CERS4: variants seen among roughly 807,000 people sequenced by gnomAD.
The protein encoded by CERS4 is ceramide synthase 4.
CERS4 carries 65 observed loss-of-function variants against 51.8 expected under a neutral mutation model. The ratio of observed to expected loss-of-function variants is 1.26; its 90% CI spans 1.03 to 1.54. CERS4 has a LOEUF of 1.54. Ranked by LOEUF, CERS4 falls within the 40% of genes most tolerant of loss-of-function variation. The pLI is 0.00. For synonymous variants in CERS4, 228 were observed against 208.4 expected, an observed-to-expected ratio of 1.09 and a Z score of -0.81; for missense variants, 563 against 500.4, an observed-to-expected ratio of 1.13 and a Z score of -1.19.
intron 8 of CERS4, 37 bp downstream of exon 8, chr19:8,256,747 G>C (rs1328007507): frequency 6.3e-7 from 1 of 1,599,266 alleles, no homozygotes; most frequent in African/African-American, 1.3e-5. Context: ...CCCAGTCTCT[G>C]GCCGGGATGC....
At chr19:8,226,400 T>C (rs890822771) in intron 2 of CERS4, among the ~76,000 whole-genome samples, 2 of 152,112 alleles carry the variant, frequency 1.3e-5, no homozygotes, top group Non-Finnish European at 2.9e-5. Context: ...AGTCTGGCTT[T>C]GCACCTGCTT....
Position 8,261,924 on chromosome 19 carries a change from C to A in CERS4, c.1006-6C>A, listed in dbSNP as rs534378217. On this transcript the variant is annotated splice_region_variant and splice_polypyrimidine_tract_variant and intron_variant, in intron 11 of 11. Coordinates refer to ENST00000251363, the MANE Select transcript of CERS4 (RefSeq NM_024552.3). ...TCTGAGCTCCATCCCTCTCTCTGTT[C>A]CCCAGATGGAGAAGGACATTCGTAG... 4.4e-5 allele frequency: 71 copies of A among 1,608,880 alleles called. No individual in the cohort carries two copies. The South Asian group carries it at 6.8e-4, about 15-fold the overall frequency.
Position 8,238,549 on chromosome 19 carries a change from T to C in CERS4, c.-1-12527T>C, listed in dbSNP as rs185021529. 40 of 985,210 alleles carry C rather than the reference T, an allele frequency of 4.1e-5. 1 individual carries two copies. In the African/African-American group the frequency reaches 7.0e-4, roughly 17 times the overall value. 61.0% of individuals were successfully genotyped at this position (985,210 alleles called of 1,614,324 possible). A position where few individuals can be genotyped will look rare whatever the true frequency, so the allele number is the denominator to read the frequency against. ...ATAGAACTGCAGAAGAGACAGATGATTCCAGAAGGGTAAGGAGGTGGAGGC... is the reference window on the plus strand; with the variant it reads ...ATAGAACTGCAGAAGAGACAGATGACTCCAGAAGGGTAAGGAGGTGGAGGC... On this transcript the variant is annotated intron_variant, in intron 2 of 11. Coordinates refer to ENST00000251363, the MANE Select transcript of CERS4 (RefSeq NM_024552.3).
chr19:8,217,630 G>A (rs1363076646), intron 2 of CERS4, among the ~76,000 whole-genome samples: 10 of 150,288 alleles, frequency 6.7e-5, no homozygotes, highest in Admixed American at 4.7e-4. Flanking sequence ...TCCGCCTCCC[G>A]GGTTCATGTC....
Position 8,256,647 on chromosome 19 carries a change from C to T in CERS4, c.549C>T (p.Tyr183=). The part of the protein sequence containing the change: ...QTLKPSLYWW[Y]LLELGFYLSL... ...TGAAGCCATCCCTGTACTGGTGGTA[C>T]CTCTTGGAGCTGGGTTTCTACCTCT... The change falls in exon 8 of 12, where the codon TAC becomes TAT. Residue 183 remains tyrosine, a synonymous_variant. Coordinates refer to ENST00000251363, the MANE Select transcript of CERS4 (RefSeq NM_024552.3). 1.2e-6 allele frequency: 2 copies of T among 1,613,774 alleles called. No homozygotes were observed. The highest frequency in any genetic ancestry group is 8.5e-7 in the Non-Finnish European group (1 of 1,179,846).
intron 2 of CERS4, among the ~76,000 whole-genome samples, chr19:8,233,187 G>A (rs76792956): frequency 1.3e-5 from 2 of 151,218 alleles, no homozygotes; most frequent in South Asian, 4.2e-4. Flanking sequence ...TTTTTGGGGG[G>A]CGGAGTCTTG....
At chr19:8,247,731 T>C (rs752171050) in intron 2 of CERS4, among the ~76,000 whole-genome samples, 1 of 112,126 alleles carries the variant, frequency 8.9e-6, no homozygotes, top group Non-Finnish European at 1.8e-5. Flanking sequence ...GACCTCCGCA[T>C]CTTTTTTTTT....
intron 2 of CERS4, among the ~76,000 whole-genome samples, chr19:8,216,586 G>A (rs1967309251): frequency 6.6e-6 from 1 of 151,908 alleles, no homozygotes; most frequent in Non-Finnish European, 1.5e-5. Context: ...GACCAGCCTG[G>A]GCAACATAGC....
At chr19:8,254,883 C>CA (rs1555779519) in intron 4 of CERS4, among the ~76,000 whole-genome samples, 11 of 152,146 alleles carry the variant, frequency 7.2e-5, no homozygotes, top group Admixed American at 3.9e-4. Context: ...GGACCCCCCC[C>CA]TTCCCAGCCT....
At chr19:8,245,825 C>T (rs1037645343) in intron 2 of CERS4, among the ~76,000 whole-genome samples, 1 of 149,530 alleles carries the variant, frequency 6.7e-6, no homozygotes, top group African/African-American at 2.5e-5. Context: ...CAGGCTTGAG[C>T]CACCATGCCC....
At chr19:8,218,860 C>T (rs1244852611) in intron 2 of CERS4, among the ~76,000 whole-genome samples, 1 of 152,162 alleles carries the variant, frequency 6.6e-6, no homozygotes, top group East Asian at 1.9e-4. Context: ...AAGACGTGTG[C>T]TCTGCAGGGG....
In CERS4 at chr19:8,257,068, C is replaced by T; in HGVS notation, c.732C>T (p.Tyr244=). ...TGCTGTTACACGATTCCTCTGACTACCTGCTGGAGGTGGGCCCGACCCCTG... is the reference window on the plus strand; with the variant it reads ...TGCTGTTACACGATTCCTCTGACTATCTGCTGGAGGTGGGCCCGACCCCTG... ...LVLLLHDSSD[Y]LLEACKMVNY... The change falls in exon 9 of 12, where the codon TAC becomes TAT. Residue 244 remains tyrosine, a synonymous_variant. Transcript: ENST00000251363. 1.2e-6 allele frequency: 2 copies of T among 1,600,992 alleles called. No homozygotes were observed. The highest frequency in any genetic ancestry group is 1.7e-6 in the Non-Finnish European group (2 of 1,172,058).
At chr19:8,216,103 G>T (rs182856713) in intron 2 of CERS4, among the ~76,000 whole-genome samples, 5 of 152,150 alleles carry the variant, frequency 3.3e-5, no homozygotes, top group African/African-American at 1.2e-4. Context: ...GCCCTGCCAG[G>T]CACCGTGGCT....
intron 2 of CERS4, among the ~76,000 whole-genome samples, chr19:8,212,782 G>A (rs189159939): frequency 2.6e-5 from 4 of 151,120 alleles, no homozygotes; most frequent in Admixed American, 2.0e-4. Flanking sequence ...GGGATTACAG[G>A]TGCGAACCAC....
At chr19:8,217,461 C>T (rs898557837) in intron 2 of CERS4, among the ~76,000 whole-genome samples, 4 of 151,726 alleles carry the variant, frequency 2.6e-5, no homozygotes, top group African/African-American at 9.7e-5. Flanking sequence ...CTCCGCCTCC[C>T]GAGTTCAAGC....
rs972346714 is a variant in CERS4 at position 8,262,259 on chromosome 19, C to T, written c.*150C>T. On this transcript the variant is annotated 3_prime_UTR_variant, in exon 12 of 12. Coordinates refer to ENST00000251363, the MANE Select transcript of CERS4 (RefSeq NM_024552.3). Reference sequence around the variant, plus strand: ...GAAGGCTGATGATCTGTCTCCAGCCCCTTCCTTCTGCCCACCCACCCTTCT... The same window carrying T: ...GAAGGCTGATGATCTGTCTCCAGCCTCTTCCTTCTGCCCACCCACCCTTCT... 4 of 797,138 alleles carry T rather than the reference C, an allele frequency of 5.0e-6. No homozygotes were observed. The highest frequency in any genetic ancestry group is 3.9e-4 in the Middle Eastern group (1 of 2,550). The allele number at this position is 797,138 out of a possible 1,614,324, so 49.4% of individuals were successfully genotyped here.
At chr19:8,212,636 TA>T (rs1274215827) in intron 2 of CERS4, among the ~76,000 whole-genome samples, 1 of 148,870 alleles carries the variant, frequency 6.7e-6, no homozygotes, top group African/African-American at 2.5e-5. Flanking sequence ...TTTTTTTAAT[TA>T]TTATTTTTTT....
At chr19:8,253,455 T>G (rs1949235839) in intron 3 of CERS4, among the ~76,000 whole-genome samples, 1 of 147,014 alleles carries the variant, frequency 6.8e-6, no homozygotes, top group South Asian at 2.2e-4. Context: ...CTGCCTTTTT[T>G]TTTTTTTTTT....
chr19:8,213,605 G>T (rs947316632), intron 2 of CERS4, among the ~76,000 whole-genome samples: 5 of 152,122 alleles, frequency 3.3e-5, no homozygotes, highest in African/African-American at 1.2e-4. Context: ...ACTGTGCCTG[G>T]CCAAGCGCAG....
Sources: gnomAD v4.1 joint callset for allele counts (sites outside exome capture counted in the v4.1 genomes callset) on GRCh38, gnomAD v4.1.1 for gene constraint, MANE v1.5 for transcripts, NCBI Gene and HGNC (gene_info 2026-07-23, HGNC 2026-07-21) for gene names.